Variants in DENND5A observed in about 807,000 individuals in gnomAD.
The protein encoded by DENND5A is DENN domain containing 5A, also known as DENN domain-containing protein 5A.
Under a neutral mutation model 140.3 loss-of-function variants are expected in DENND5A, and 64 were observed. The observed-to-expected ratio is 0.46, with a 90% CI of 0.37 to 0.56. DENND5A has a LOEUF of 0.56. DENND5A is among the 20% of genes least tolerant of loss of function. The pLI is 0.00. For synonymous variants in DENND5A, 605 were observed against 607.7 expected, an observed-to-expected ratio of 1.00 and a Z score of 0.07; for missense variants, 1,292 against 1,593.8, an observed-to-expected ratio of 0.81 and a Z score of 3.22.
intron 1 of DENND5A, among the ~76,000 whole-genome samples, chr11:9,226,525 T>C (rs975927733): frequency 4.6e-5 from 7 of 152,246 alleles, no homozygotes; most frequent in Non-Finnish European, 1.0e-4. Flanking sequence ...GTTTTTCAAA[T>C]GTGGTTATTT....
chr11:9,143,460 C>T lies in DENND5A; in HGVS notation c.3330G>A (p.Glu1110=), dbSNP rs1280906156. 2 of 1,614,054 alleles carry T rather than the reference C, an allele frequency of 1.2e-6. No homozygotes were observed. Among genetic ancestry groups the T allele is most frequent in the African/African-American group, 2.7e-5 (2 of 74,926 alleles). The stretch of plus-strand genomic sequence containing the variant: ...TGCCATTGACTGCCTCCCCGATGGA[C>T]TCCTGGATCTGCCCAGTGTTCAGCT... ...KPKLNTGQIQ[E]SIGEAVNGIV... is the part of the protein sequence containing the mutation. Residue 1110 remains glutamate (E), a synonymous_variant, in exon 20 of 23, where the codon GAG becomes GAA. Coordinates refer to ENST00000328194, the MANE Select transcript of DENND5A (RefSeq NM_015213.4).
chr11:9,161,262 G>A (rs1847975018), intron 11 of DENND5A, among the ~76,000 whole-genome samples: 1 of 152,098 alleles, frequency 6.6e-6, no homozygotes, highest in Non-Finnish European at 1.5e-5. Context: ...GCAGGAGAAT[G>A]GCGTCAACCA....
In DENND5A at chr11:9,180,879, C is replaced by G. The variant is rs747216944; in HGVS notation, c.1343G>C (p.Arg448Thr). 6.2e-7 allele frequency: 1 copy of G among 1,614,200 alleles called. No homozygotes were observed. Among genetic ancestry groups the G allele is most frequent in the South Asian group, 1.1e-5 (1 of 91,086 alleles). ...LRASELVSDK[R>T]NGNIAGSPLH... Reference sequence around the variant, plus strand: ...AGGGGAGCCAGCAATGTTCCCATTCCTCTTGTCCGAGACAAGCTCAGAGGC... The same window carrying G: ...AGGGGAGCCAGCAATGTTCCCATTCGTCTTGTCCGAGACAAGCTCAGAGGC... The change falls in exon 6 of 23, where the codon AGG (arginine) becomes ACG (threonine). Residue 448 changes from arginine (R) to threonine (T), a missense_variant. Around this residue, in one of 4 missense-constraint regions of DENND5A, gnomAD observed 566 missense variants for 650.4 expected, o/e 0.87. Coordinates refer to ENST00000328194, the MANE Select transcript of DENND5A (RefSeq NM_015213.4).
In DENND5A at chr11:9,199,276, T is replaced by C. The variant is rs376208442; in HGVS notation, c.949+4384A>G. On this transcript the variant is annotated intron_variant, in intron 4 of 22. Coordinates refer to ENST00000328194, the MANE Select transcript of DENND5A (RefSeq NM_015213.4). ...ACTTTGGGAGGCCAAGGAAGGTGGA[T>C]TGCTTAAGCCCAGAGTTCAAGATCA... Among the ~76,000 whole-genome samples the C allele has an allele frequency of 2.6e-5, 4 of 151,942 alleles. No homozygotes were observed. In the South Asian group the frequency reaches 6.2e-4, roughly 24 times the overall value.
chr11:9,227,006 T>C (rs927308015), intron 1 of DENND5A, among the ~76,000 whole-genome samples: 25 of 151,862 alleles, frequency 1.6e-4, no homozygotes, highest in Admixed American at 6.6e-5. Flanking sequence ...CTGTCTCTAC[T>C]AAAAATACAA....
At chr11:9,178,095 C>A in intron 8 of DENND5A, 37 bp downstream of exon 8, 1 of 1,393,388 alleles carries the variant, frequency 7.2e-7, no homozygotes, top group South Asian at 1.2e-5. Context: ...TGCCATAATC[C>A]AAGAGGCCTG....
chr11:9,145,238 C>A, intron 17 of DENND5A, 125 bp from the exon 18 acceptor site: 1 of 714,240 alleles, frequency 1.4e-6, no homozygotes, highest in Non-Finnish European at 2.5e-6. Context: ...GCTTAGAGGT[C>A]ATGGCTCTAC....
chr11:9,253,677 C>T (rs901954866), intron 1 of DENND5A, among the ~76,000 whole-genome samples: 6 of 151,904 alleles, frequency 3.9e-5, no homozygotes, highest in African/African-American at 1.5e-4. Context: ...CCGAGGTGGG[C>T]AGATCACTTG....
At chr11:9,216,235 T>A (rs974105946) in intron 1 of DENND5A, among the ~76,000 whole-genome samples, 2 of 152,232 alleles carry the variant, frequency 1.3e-5, no homozygotes, top group African/African-American at 4.8e-5. Context: ...GCTGCTCATC[T>A]CTAAAGGTTT....
chr11:9,253,314 A>G (rs1277713694), intron 1 of DENND5A, among the ~76,000 whole-genome samples: 2 of 152,240 alleles, frequency 1.3e-5, no homozygotes, highest in Non-Finnish European at 2.9e-5. Flanking sequence ...AGGGCTGAGC[A>G]GACTCTAAGA....
At position 9,159,384 on chromosome 11, in the gene DENND5A, A is replaced by G. The variant is rs555310387; in HGVS notation, c.2436+1329T>C. On this transcript the variant is annotated intron_variant, in intron 12 of 22. Coordinates refer to ENST00000328194, the MANE Select transcript of DENND5A (RefSeq NM_015213.4). ...TGCCTAGGCTGGAGTGCAATGGTGC[A>G]ATCTTGGCTCACTGCAACCTCTGCC... 5.8e-4 allele frequency among the ~76,000 whole-genome samples: 86 copies of G among 148,800 alleles called. 1 individual carries two copies. The South Asian group carries it at 0.018, about 30-fold the overall frequency.
intron 8 of DENND5A, among the ~76,000 whole-genome samples, chr11:9,176,400 TGC>T (rs1848546420): frequency 6.6e-6 from 1 of 152,210 alleles, no homozygotes; most frequent in Non-Finnish European, 1.5e-5. Flanking sequence ...CTGAACATCC[TGC>T]AGGAAGTGAA....
intron 12 of DENND5A, among the ~76,000 whole-genome samples, chr11:9,156,348 T>A (rs1847801778): frequency 6.6e-6 from 1 of 152,116 alleles, no homozygotes; most frequent in South Asian, 2.1e-4. Context: ...GCCCCCATTA[T>A]TTTGCACTGG....
At chr11:9,248,637 G>T (rs1040626176) in intron 1 of DENND5A, among the ~76,000 whole-genome samples, 1 of 151,864 alleles carries the variant, frequency 6.6e-6, no homozygotes, top group Non-Finnish European at 1.5e-5. Flanking sequence ...CTGGGCAAAA[G>T]AGAGGGGTAT....
intron 18 of DENND5A, among the ~76,000 whole-genome samples, chr11:9,144,612 G>A (rs764885311): frequency 6.6e-5 from 10 of 152,100 alleles, no homozygotes; most frequent in South Asian, 2.1e-4. Flanking sequence ...TCAATATGGC[G>A]AAACCTGTCT....
At chr11:9,232,963 CA>C (rs1850833655) in intron 1 of DENND5A, among the ~76,000 whole-genome samples, 1 of 152,098 alleles carries the variant, frequency 6.6e-6, no homozygotes, top group African/African-American at 2.4e-5. Context: ...AATCCAAACA[CA>C]AGAGTTCACC....
intron 12 of DENND5A, among the ~76,000 whole-genome samples, chr11:9,158,020 A>G (rs2136135228): frequency 6.6e-6 from 1 of 152,308 alleles, no homozygotes; most frequent in Non-Finnish European, 1.5e-5. Context: ...TAACATTTAA[A>G]AAACTATAAA....
chr11:9,198,474 G>A (rs182668691), intron 4 of DENND5A, among the ~76,000 whole-genome samples: 1 of 152,114 alleles, frequency 6.6e-6, no homozygotes, highest in African/African-American at 2.4e-5. Context: ...AGGTGGGCGT[G>A]GTGGTGCACA....
intron 1 of DENND5A, among the ~76,000 whole-genome samples, chr11:9,253,512 C>T (rs1851815600): frequency 6.6e-6 from 1 of 152,064 alleles, no homozygotes; most frequent in Admixed American, 6.6e-5. Flanking sequence ...TCTATAATCC[C>T]AGCACTTTGG....
Sources: gnomAD v4.1 joint callset for allele counts (sites outside exome capture counted in the v4.1 genomes callset) on GRCh38, gnomAD v4.1.1 for gene constraint, gnomAD v4.1.1 regional missense constraint, MANE v1.5 for transcripts, NCBI Gene and HGNC (gene_info 2026-07-23, HGNC 2026-07-21) for gene names.